GRIK2: variants seen among roughly 807,000 people sequenced by gnomAD.
The protein encoded by GRIK2 is glutamate ionotropic receptor kainate type subunit 2.
In GRIK2, 32 loss-of-function variants were observed where a neutral mutation model predicts 100.3. The observed-to-expected ratio is 0.32, with a 90% CI of 0.24 to 0.43. The LOEUF (loss-of-function observed/expected upper bound fraction) is 0.43, where lower values mean the gene tolerates loss of function less well. Ranked by LOEUF, GRIK2 falls within the 20% of genes least tolerant of loss-of-function variation. GRIK2 has a pLI of 1.00. For missense variants in GRIK2, 843 were observed against 1,114.9 expected, an observed-to-expected ratio of 0.76 and a Z score of 3.47; for synonymous variants, 417 against 389.4, an observed-to-expected ratio of 1.07 and a Z score of -0.83.
chr6:101,426,633 A>C (rs980270573), intron 2 of GRIK2, among the ~76,000 whole-genome samples: 1 of 152,218 alleles, frequency 6.6e-6, no homozygotes, highest in African/African-American at 2.4e-5. Flanking sequence ...AAAAGTTTAC[A>C]GAGGATCTAC....
intron 2 of GRIK2, among the ~76,000 whole-genome samples, chr6:101,568,927 A>AG (rs397828489): frequency 0.21 from 44 of 210 alleles, no homozygotes; most frequent in South Asian, 0.5. Context: ...TCCTTTTCAC[A>AG]TGAAAATAAA....
intron 7 of GRIK2, among the ~76,000 whole-genome samples, chr6:101,766,573 A>G (rs1778057226): frequency 1.3e-5 from 2 of 152,326 alleles, no homozygotes; most frequent in South Asian, 4.1e-4. Flanking sequence ...ACATCTAGTC[A>G]TGACAGATAA....
chr6:101,595,783 C>G (rs904220167), intron 2 of GRIK2, among the ~76,000 whole-genome samples: 1 of 149,086 alleles, frequency 6.7e-6, no homozygotes, highest in African/African-American at 2.5e-5. Context: ...GAGTCTCCAA[C>G]TCCTTGAATC....
intron 2 of GRIK2, among the ~76,000 whole-genome samples, chr6:101,601,878 C>T (rs529078346): frequency 4.4e-4 from 67 of 151,618 alleles, no homozygotes; most frequent in African/African-American, 1.6e-3. Context: ...TTCAAGGGAC[C>T]AAATTTTAGT....
At position 101,682,572 on chromosome 6, in the gene GRIK2, T is replaced by G. The variant is rs1458085594; in HGVS notation, c.743T>G (p.Met248Arg). Reference protein sequence around the residue: ...ILKQALAMGMMTEYYHYIFTT... With the variant: ...ILKQALAMGMRTEYYHYIFTT... ...CCTTAGGCATTAGCTATGGGAATGA[T>G]GACAGAATACTATCATTATATCTTT... The change falls in exon 6 of 17, where the codon ATG (methionine) becomes AGG (arginine). Residue 248 changes from methionine to arginine, a missense_variant. By Grantham distance (91) the Met-to-Arg change is moderately conservative. Transcript: ENST00000369134. The G allele has an allele frequency of 7.4e-7, 1 of 1,343,448 alleles. No individual in the cohort carries two copies. The highest frequency in any genetic ancestry group is 1.1e-6 in the Non-Finnish European group (1 of 941,354). 83.2% of individuals were successfully genotyped at this position (1,343,448 alleles called of 1,614,324 possible). A position where few individuals can be genotyped will look rare whatever the true frequency, so the allele number is the denominator to read the frequency against.
chr6:101,844,033 T>C (rs1046414605), intron 10 of GRIK2, among the ~76,000 whole-genome samples: 1 of 152,132 alleles, frequency 6.6e-6, no homozygotes, highest in Non-Finnish European at 1.5e-5. Flanking sequence ...AAATAGATTA[T>C]ACTGAATGAA....
At chr6:101,705,483 C>T (rs1260935463) in intron 7 of GRIK2, among the ~76,000 whole-genome samples, 1 of 151,730 alleles carries the variant, frequency 6.6e-6, no homozygotes. Flanking sequence ...TTGAACTTCA[C>T]TGGTCATTGG....
At chr6:101,705,934 T>A (rs1773263058) in intron 7 of GRIK2, among the ~76,000 whole-genome samples, 1 of 151,938 alleles carries the variant, frequency 6.6e-6, no homozygotes, top group African/African-American at 2.4e-5. Flanking sequence ...TAAGGAGACA[T>A]GCAGATTTTA....
At chr6:101,541,932 T>C (rs1776018407) in intron 2 of GRIK2, among the ~76,000 whole-genome samples, 1 of 152,120 alleles carries the variant, frequency 6.6e-6, no homozygotes, top group Non-Finnish European at 1.5e-5. Context: ...TATGTACTAT[T>C]TCGTTACAGA....
chr6:101,481,138 T>C (rs1043350805), intron 2 of GRIK2, among the ~76,000 whole-genome samples: 8 of 152,226 alleles, frequency 5.3e-5, no homozygotes, highest in African/African-American at 1.9e-4. Flanking sequence ...TCCTTTAGTG[T>C]AACTGAGGCC....
intron 7 of GRIK2, among the ~76,000 whole-genome samples, chr6:101,781,414 T>C (rs1278799289): frequency 6.6e-6 from 1 of 152,196 alleles, no homozygotes; most frequent in African/African-American, 2.4e-5. Flanking sequence ...TTGATAACCT[T>C]TGATTTGTAG....
intron 2 of GRIK2, among the ~76,000 whole-genome samples, chr6:101,474,774 C>G: frequency 6.6e-6 from 1 of 151,696 alleles, no homozygotes; most frequent in South Asian, 2.1e-4. Context: ...TCATAGCGTA[C>G]AAATTAGATA....
chr6:102,054,362 A>G (rs549789463), intron 15 of GRIK2, among the ~76,000 whole-genome samples: 1 of 152,290 alleles, frequency 6.6e-6, no homozygotes, highest in South Asian at 2.1e-4. Flanking sequence ...GGAAGCAGGA[A>G]AACACTATGG....
chr6:101,928,321 A>G, intron 13 of GRIK2, 94 bp from the exon 14 acceptor site: 1 of 715,120 alleles, frequency 1.4e-6, no homozygotes, highest in East Asian at 2.5e-5. Context: ...AGCTTTTATT[A>G]CACAGTGATT....
chr6:101,760,707 T>A (rs1296752056), intron 7 of GRIK2, among the ~76,000 whole-genome samples: 1 of 101,904 alleles, frequency 9.8e-6, no homozygotes, highest in African/African-American at 4.6e-5. Context: ...TATATAATTA[T>A]ATATTTAATT....
intron 2 of GRIK2, among the ~76,000 whole-genome samples, chr6:101,585,709 G>A (rs1778326045): frequency 6.6e-6 from 1 of 151,962 alleles, no homozygotes; most frequent in Non-Finnish European, 1.5e-5. Flanking sequence ...GGAACCAGGT[G>A]GAAAAAGGTG....
At chr6:101,401,923 A>C (rs1582366360) in intron 2 of GRIK2, among the ~76,000 whole-genome samples, 1 of 150,528 alleles carries the variant, frequency 6.6e-6, no homozygotes, top group African/African-American at 2.4e-5. Context: ...TCCATCCCCC[A>C]CCCTTGGCGT....
chr6:101,454,059 G>A (rs1770858214), intron 2 of GRIK2, among the ~76,000 whole-genome samples: 1 of 152,008 alleles, frequency 6.6e-6, no homozygotes, highest in African/African-American at 2.4e-5. Flanking sequence ...CTTTGAAGAA[G>A]GGGGACAATT....
chr6:101,578,548 A>G (rs1777895450), intron 2 of GRIK2, among the ~76,000 whole-genome samples: 1 of 152,092 alleles, frequency 6.6e-6, no homozygotes, highest in African/African-American at 2.4e-5. Flanking sequence ...GATGTTAACT[A>G]TCTGGTTGTG....
Sources: allele counts gnomAD v4.1 joint callset (sites outside exome capture counted in the v4.1 genomes callset), GRCh38; gene constraint gnomAD v4.1.1; transcripts MANE v1.5; gene names NCBI Gene and HGNC (gene_info 2026-07-23, HGNC 2026-07-21).